Variants in UEVLD observed in about 807,000 individuals in gnomAD.
UEVLD encodes the protein ubiquitin-conjugating enzyme E2 variant 3.
UEVLD carries 47 observed loss-of-function variants against 58.6 expected under a neutral mutation model. The observed-to-expected ratio is 0.80, with a 90% CI of 0.63 to 1.02. The LOEUF is 1.02. UEVLD is among the 50% of genes least tolerant of loss of function. UEVLD has a pLI of 0.00. For synonymous variants in UEVLD, 197 were observed against 195.3 expected, an observed-to-expected ratio of 1.01 and a Z score of -0.07; for missense variants, 510 against 550.6, an observed-to-expected ratio of 0.93 and a Z score of 0.74.
chr11:18,534,249 A>G, intron 11 of UEVLD, 81 bp downstream of exon 11: 1 of 1,094,802 alleles, frequency 9.1e-7, no homozygotes, highest in Non-Finnish European at 1.2e-6. Flanking sequence ...CTGGGGTTAG[A>G]GTATGAATAA....
intron 6 of UEVLD, among the ~76,000 whole-genome samples, chr11:18,559,248 G>A (rs1021472471): frequency 6.6e-6 from 1 of 151,772 alleles, no homozygotes; most frequent in Non-Finnish European, 1.5e-5. Flanking sequence ...GCCCAGGCTG[G>A]GGTGCATTAG....
chr11:18,541,984 A>C (rs1340168101), intron 9 of UEVLD, among the ~76,000 whole-genome samples: 1 of 152,138 alleles, frequency 6.6e-6, no homozygotes, highest in African/African-American at 2.4e-5. Context: ...CCAGCTCTCT[A>C]ATAACGTGGC....
At chr11:18,551,016 G>T (rs1362553265) in intron 7 of UEVLD, among the ~76,000 whole-genome samples, 1 of 152,136 alleles carries the variant, frequency 6.6e-6, no homozygotes, top group Non-Finnish European at 1.5e-5. Context: ...CAAAATCTTT[G>T]ACTTTTCAAG....
intron 4 of UEVLD, among the ~76,000 whole-genome samples, chr11:18,568,817 T>C (rs1852432305): frequency 6.6e-6 from 1 of 152,176 alleles, no homozygotes; most frequent in African/African-American, 2.4e-5. Flanking sequence ...GTGATAATCC[T>C]AAGGCATTCT....
intron 1 of UEVLD, among the ~76,000 whole-genome samples, chr11:18,585,373 G>C (rs138478730): frequency 6.6e-6 from 1 of 152,146 alleles, no homozygotes; most frequent in African/African-American, 2.4e-5. Context: ...TATGTTTGGC[G>C]TAAGGCAGGG....
chr11:18,566,614 C>T (rs1852316113), intron 4 of UEVLD, 132 bp from the exon 5 acceptor site: 2 of 873,970 alleles, frequency 2.3e-6, no homozygotes, highest in African/African-American at 1.7e-5. Context: ...CACTATACTC[C>T]AGCTTGGGCA....
chr11:18,548,188 T>G lies in UEVLD; in HGVS notation c.716-1138A>C, dbSNP rs1213957312. Among the ~76,000 whole-genome samples, 2 of 152,218 alleles carry G rather than the reference T, an allele frequency of 1.3e-5. 1 individual carries two copies. The highest frequency in any genetic ancestry group is 2.9e-5 in the Non-Finnish European group (2 of 68,042). On this transcript the variant is annotated intron_variant, in intron 7 of 11. Transcript: ENST00000396197. ...GAGTTCACTCTGACTCCAGAGCACC[T>G]TTGACCCTCCAGCACACGTTATGCT...
chr11:18,560,292 T>C (rs902313957), intron 6 of UEVLD, among the ~76,000 whole-genome samples: 5 of 152,190 alleles, frequency 3.3e-5, no homozygotes, highest in African/African-American at 7.2e-5. Context: ...TAGTTATTAA[T>C]TTTATTGCTA....
chr11:18,544,312 G>T (rs568998674), intron 9 of UEVLD, among the ~76,000 whole-genome samples: 214 of 152,188 alleles, frequency 1.4e-3, no homozygotes, highest in Non-Finnish European at 1.9e-3. Context: ...TAATAATAAT[G>T]TACTTCTTTT....
intron 7 of UEVLD, among the ~76,000 whole-genome samples, chr11:18,553,523 A>T (rs1851624105): frequency 6.6e-6 from 1 of 152,116 alleles, no homozygotes; most frequent in South Asian, 2.1e-4. Context: ...TTGGATATAC[A>T]TCCAAAAGAA....
At chr11:18,580,035 CT>C (rs140542993) in intron 1 of UEVLD, among the ~76,000 whole-genome samples, 18,080 of 85,848 alleles carry the variant, frequency 0.21, 386 homozygotes, top group African/African-American at 0.31. Context: ...TCCCAGCTGG[CT>C]TTTTTTTTTT....
At chr11:18,574,091 A>G (rs1220592814) in intron 3 of UEVLD, among the ~76,000 whole-genome samples, 3 of 152,174 alleles carry the variant, frequency 2.0e-5, no homozygotes, top group African/African-American at 7.2e-5. Flanking sequence ...ACATAACTGT[A>G]TATTAGTGAT....
At chr11:18,562,029 A>G (rs1852062035) in intron 6 of UEVLD, among the ~76,000 whole-genome samples, 1 of 152,198 alleles carries the variant, frequency 6.6e-6, no homozygotes, top group African/African-American at 2.4e-5. Context: ...TGTTGCAGTC[A>G]TAATAGTGGC....
At chr11:18,562,287 A>G (rs1050442111) in intron 6 of UEVLD, among the ~76,000 whole-genome samples, 1 of 152,010 alleles carries the variant, frequency 6.6e-6, no homozygotes, top group South Asian at 2.1e-4. Flanking sequence ...GACACCTGTA[A>G]TCCCAGCACT....
At chr11:18,564,238 G>C (rs1273534633) in intron 6 of UEVLD, among the ~76,000 whole-genome samples, 1 of 151,962 alleles carries the variant, frequency 6.6e-6, no homozygotes, top group African/African-American at 2.4e-5. Flanking sequence ...AATATATATA[G>C]AAAAGAAAAA....
chr11:18,588,615 T>C lies in UEVLD; in HGVS notation c.40A>G (p.Lys14Glu). Reference sequence around the variant, plus strand: ...CTGGCCCAGCGGACTGCCCGCACCTTGCCAAGCAGCCGTCTCAGGCCCTCG... The same window carrying C: ...CTGGCCCAGCGGACTGCCCGCACCTCGCCAAGCAGCCGTCTCAGGCCCTCG... ...DCEGLRRLLG[K>E]YKFRDLTVEE... Residue 14 changes from lysine (K) to glutamate (E), a missense_variant and splice_region_variant, in exon 1 of 12, where the codon AAG (lysine) becomes GAG (glutamate). Transcript: ENST00000396197. 1 of 1,610,304 alleles carries C rather than the reference T, an allele frequency of 6.2e-7. No homozygotes were observed. Among genetic ancestry groups the C allele is most frequent in the East Asian group, 2.2e-5 (1 of 44,860 alleles).
In UEVLD at chr11:18,565,000, A is replaced by T; in HGVS notation, c.504T>A (p.Asp168Glu). ...GATTTGCCCAGCTCTTTGAATTTGT[A>T]TCTGAAACACCTAGAAAGAAAGGTG... ...YIAKITEGVS[D>E]TNSKSWANHE... Residue 168 changes from aspartate to glutamate, a missense_variant, in exon 6 of 12, where the codon GAT becomes GAA. Asp to Glu is a conservative substitution (Grantham distance 45). Transcript: ENST00000396197. The T allele has an allele frequency of 8.1e-6, 13 of 1,608,664 alleles. No homozygotes were observed. Among genetic ancestry groups the T allele is most frequent in the Non-Finnish European group, 1.0e-5 (12 of 1,175,710 alleles).
At chr11:18,541,081 T>C (rs1590313864) in intron 9 of UEVLD, among the ~76,000 whole-genome samples, 1 of 152,234 alleles carries the variant, frequency 6.6e-6, no homozygotes, top group African/African-American at 2.4e-5. Context: ...CCAGATATAC[T>C]AGGTTAGGGT....
intron 7 of UEVLD, among the ~76,000 whole-genome samples, chr11:18,550,791 C>A (rs1565118025): frequency 6.6e-6 from 1 of 152,204 alleles, no homozygotes; most frequent in Admixed American, 6.5e-5. Context: ...CCATTTCTAT[C>A]AATCTCTTGC....
Sources: allele counts gnomAD v4.1 joint callset (sites outside exome capture counted in the v4.1 genomes callset), GRCh38; gene constraint gnomAD v4.1.1; transcripts MANE v1.5; gene names NCBI Gene and HGNC (gene_info 2026-07-23, HGNC 2026-07-21).